The following ARHGAP10 variants were observed in gnomAD, a reference collection of about 807,000 sequenced individuals.
The protein encoded by ARHGAP10 is rho GTPase-activating protein 10.
In ARHGAP10, 87 loss-of-function variants were observed where a neutral mutation model predicts 108.6. The ratio of observed to expected loss-of-function variants is 0.80; its 90% CI spans 0.67 to 0.96. The LOEUF (loss-of-function observed/expected upper bound fraction) is 0.96, where lower values mean the gene tolerates loss of function less well. Ranked by LOEUF, ARHGAP10 falls within the 40% of genes least tolerant of loss-of-function variation. The probability of loss-of-function intolerance (pLI) is 0.00; values close to 1 mark genes in which losing one functional copy is unlikely to be tolerated. For synonymous variants in ARHGAP10, 347 were observed against 341.1 expected (o/e 1.02, Z -0.19); for missense variants, 939 against 954.5 (o/e 0.98, Z 0.21).
intron 13 of ARHGAP10, among the ~76,000 whole-genome samples, chr4:147,932,071 ACAT>A (rs1230974752): frequency 6.6e-6 from 1 of 152,182 alleles, no homozygotes; most frequent in African/African-American, 2.4e-5. Flanking sequence ...AAAAAGTTCA[ACAT>A]CATTAATCAT....
At chr4:147,819,929 C>T (rs1732414529) in intron 1 of ARHGAP10, among the ~76,000 whole-genome samples, 1 of 152,186 alleles carries the variant, frequency 6.6e-6, no homozygotes, top group East Asian at 1.9e-4. Context: ...ACAGCCGTCG[C>T]TTCAGGGAAA....
chr4:147,986,359 T>C (rs1740045763), intron 18 of ARHGAP10, among the ~76,000 whole-genome samples: 1 of 152,220 alleles, frequency 6.6e-6, no homozygotes, highest in Non-Finnish European at 1.5e-5. Context: ...GCCCACTCTG[T>C]TTCCAAAGCC....
chr4:147,968,644 A>G (rs1222946031), intron 18 of ARHGAP10, among the ~76,000 whole-genome samples: 1 of 152,192 alleles, frequency 6.6e-6, no homozygotes, highest in Non-Finnish European at 1.5e-5. Context: ...TTTAAATACC[A>G]CATTATTTTC....
chr4:148,057,493 A>G (rs907091617), intron 20 of ARHGAP10, among the ~76,000 whole-genome samples: 16 of 152,176 alleles, frequency 1.1e-4, no homozygotes, highest in African/African-American at 3.9e-4. Context: ...CTCATATGTC[A>G]TGTGGAATAA....
chr4:147,824,321 C>T (rs1373420886), intron 3 of ARHGAP10, among the ~76,000 whole-genome samples: 1 of 136,378 alleles, frequency 7.3e-6, no homozygotes, highest in Non-Finnish European at 1.6e-5. Context: ...GACTCTGTCT[C>T]AAAAAAAAAA....
chr4:147,760,229 A>G (rs1729537852), intron 1 of ARHGAP10, among the ~76,000 whole-genome samples: 1 of 152,194 alleles, frequency 6.6e-6, no homozygotes, highest in African/African-American at 2.4e-5. Flanking sequence ...GAGGCTGACC[A>G]TTTACAAAAA....
chr4:147,855,677 A>G (rs1420018197), intron 4 of ARHGAP10, among the ~76,000 whole-genome samples: 2 of 148,658 alleles, frequency 1.3e-5, no homozygotes, highest in Non-Finnish European at 3.0e-5. Context: ...CTATATTGTC[A>G]GATGGTTTTT....
At chr4:147,910,766 T>C (rs1353056628) in intron 12 of ARHGAP10, among the ~76,000 whole-genome samples, 1 of 152,158 alleles carries the variant, frequency 6.6e-6, no homozygotes, top group African/African-American at 2.4e-5. Flanking sequence ...TTAAGCTACA[T>C]TTATCAAATG....
chr4:147,790,150 G>A (rs12650280), intron 1 of ARHGAP10, among the ~76,000 whole-genome samples: 114,907 of 151,916 alleles, frequency 0.76, 49,013 homozygotes, highest in Non-Finnish European at 0.94. Flanking sequence ...TTCGGTATCT[G>A]GTGAGGGCCC....
intron 1 of ARHGAP10, among the ~76,000 whole-genome samples, chr4:147,820,434 C>T (rs1050451528): frequency 1.2e-4 from 18 of 151,670 alleles, no homozygotes; most frequent in Admixed American, 7.9e-4. Flanking sequence ...TACAGGCAAC[C>T]GCCACCACGC....
At chr4:148,054,255 G>A (rs1459410748) in intron 20 of ARHGAP10, among the ~76,000 whole-genome samples, 1 of 152,164 alleles carries the variant, frequency 6.6e-6, no homozygotes, top group Non-Finnish European at 1.5e-5. Flanking sequence ...TTGCATCCAC[G>A]TTCTTTTTCT....
chr4:147,732,242 C>G lies in ARHGAP10; in HGVS notation c.-60C>G. The G allele has an allele frequency of 6.8e-7, 1 of 1,462,710 alleles. No individual in the cohort carries two copies. The highest frequency in any genetic ancestry group is 9.0e-7 in the Non-Finnish European group (1 of 1,115,142). The allele number at this position is 1,462,710 out of a possible 1,614,324, so 90.6% of individuals were successfully genotyped here. On this transcript the variant is annotated 5_prime_UTR_variant, in exon 1 of 23. Coordinates refer to ENST00000336498, the MANE Select transcript of ARHGAP10 (RefSeq NM_024605.4). Reference sequence around the variant, plus strand: ...GCGGCGCCGCACCTGGCAGCGGCCTCGGAGCTCGGCTCGGGCAGGAGCGCG... The same window carrying G: ...GCGGCGCCGCACCTGGCAGCGGCCTGGGAGCTCGGCTCGGGCAGGAGCGCG...
intron 13 of ARHGAP10, among the ~76,000 whole-genome samples, chr4:147,938,716 GT>G (rs1455805570): frequency 6.6e-6 from 1 of 152,156 alleles, no homozygotes; most frequent in African/African-American, 2.4e-5. Context: ...ATGGCCTTTT[GT>G]TGTGTTATTC....
At chr4:147,867,298 A>G (rs757160057) in intron 7 of ARHGAP10, among the ~76,000 whole-genome samples, 4 of 152,196 alleles carry the variant, frequency 2.6e-5, no homozygotes, top group Non-Finnish European at 5.9e-5. Context: ...GCTTTCTGCC[A>G]GGTCTCGGAT....
intron 19 of ARHGAP10, among the ~76,000 whole-genome samples, chr4:148,032,000 C>CT (rs1297804687): frequency 6.6e-6 from 1 of 152,168 alleles, no homozygotes; most frequent in African/African-American, 2.4e-5. Context: ...GTACCTTATG[C>CT]TTTAACAGGC....
chr4:147,845,155 G>T (rs1056756747), intron 3 of ARHGAP10, among the ~76,000 whole-genome samples: 1 of 152,082 alleles, frequency 6.6e-6, no homozygotes. Flanking sequence ...TTTGCACCAC[G>T]GATTCCTTCT....
intron 4 of ARHGAP10, among the ~76,000 whole-genome samples, chr4:147,851,569 T>C (rs1310229558): frequency 6.6e-6 from 1 of 152,234 alleles, no homozygotes; most frequent in Non-Finnish European, 1.5e-5. Flanking sequence ...CTACAAAACA[T>C]GAGTAAAACT....
In ARHGAP10 at chr4:147,732,292, C is replaced by G. The variant is rs1728244455; in HGVS notation, c.-10C>G. 2 of 1,601,910 alleles carry G rather than the reference C, an allele frequency of 1.2e-6. No homozygotes were observed. The highest frequency in any genetic ancestry group is 1.1e-5 in the South Asian group (1 of 89,938). On this transcript the variant is annotated 5_prime_UTR_variant, in exon 1 of 23. Coordinates refer to ENST00000336498, the MANE Select transcript of ARHGAP10 (RefSeq NM_024605.4). ...GCGGCCGTGCGCACCGCGCAGCGAC[C>G]GCTGCCGTCATGGGGCTGCAGCCCC... is the stretch of plus-strand genomic sequence containing the variant.
intron 1 of ARHGAP10, among the ~76,000 whole-genome samples, chr4:147,766,823 TATATATATA>T (rs1729846155): frequency 1.0e-3 from 14 of 13,700 alleles, no homozygotes; most frequent in African/African-American, 1.1e-3. Context: ...TATATATATA[TATATATATA>T]TATATATTTA....
Sources: allele counts gnomAD v4.1 joint callset (sites outside exome capture counted in the v4.1 genomes callset), GRCh38; gene constraint gnomAD v4.1.1; transcripts MANE v1.5; gene names NCBI Gene and HGNC (gene_info 2026-07-23, HGNC 2026-07-21).